The following TMEM50B variants were observed in gnomAD, a reference collection of about 807,000 sequenced individuals.
The protein encoded by TMEM50B is transmembrane protein 50B.
Under a neutral mutation model 23.4 loss-of-function variants are expected in TMEM50B, and 14 were observed. The ratio of observed to expected loss-of-function variants is 0.60; its 90% CI spans 0.39 to 0.93. The LOEUF is 0.93. Ranked by LOEUF, TMEM50B falls within the 40% of genes least tolerant of loss-of-function variation. The pLI is 0.00. For synonymous variants in TMEM50B, 64 were observed against 62.3 expected (o/e 1.03, Z -0.13); for missense variants, 159 against 193.0 (o/e 0.82, Z 1.04).
Position 33,459,455 on chromosome 21 carries a change from C to A in TMEM50B, c.373+958G>T, listed in dbSNP as rs1324876240. 2.0e-5 allele frequency among the ~76,000 whole-genome samples: 3 copies of A among 152,034 alleles called. No homozygotes were observed. The East Asian group carries it at 5.8e-4, about 29-fold the overall frequency. ...CCAAGATGGGTGGATCACTTGAGGT[C>A]AGGAGTTTGAGACCAGCCTGGCCAA... is the stretch of plus-strand genomic sequence containing the variant. On this transcript the variant is annotated intron_variant, in intron 5 of 6. Coordinates refer to ENST00000542230, the MANE Select transcript of TMEM50B (RefSeq NM_006134.7).
intron 6 of TMEM50B, among the ~76,000 whole-genome samples, chr21:33,455,009 C>T (rs924158956): frequency 2.2e-4 from 33 of 151,888 alleles, no homozygotes; most frequent in Admixed American, 2.1e-3. Flanking sequence ...CCCACCTACT[C>T]GGGAGGCTGA....
intron 1 of TMEM50B, among the ~76,000 whole-genome samples, chr21:33,474,694 G>A (rs931476999): frequency 1.6e-5 from 2 of 123,698 alleles, no homozygotes; most frequent in Admixed American, 8.6e-5. Context: ...AGAATCGCTT[G>A]GACCCGGGAG....
intron 5 of TMEM50B, among the ~76,000 whole-genome samples, chr21:33,459,592 T>C (rs1043613427): frequency 1.3e-5 from 2 of 150,192 alleles, no homozygotes; most frequent in Non-Finnish European, 3.0e-5. Flanking sequence ...TACTTGAACC[T>C]GTGAGGCGGA....
chr21:33,458,102 G>A (rs1238041686), intron 5 of TMEM50B, among the ~76,000 whole-genome samples: 1 of 152,108 alleles, frequency 6.6e-6, no homozygotes, highest in Non-Finnish European at 1.5e-5. Context: ...ACCTCTTCTT[G>A]GTTTGCTCAA....
At chr21:33,456,778 G>A (rs1165205030) in intron 5 of TMEM50B, among the ~76,000 whole-genome samples, 1 of 152,178 alleles carries the variant, frequency 6.6e-6, no homozygotes, top group African/African-American at 2.4e-5. Flanking sequence ...CTACTCCAGA[G>A]TGTAAGAATT....
chr21:33,441,056 CCT>C (rs985980939), intron 7 of TMEM50B, among the ~76,000 whole-genome samples: 5 of 151,628 alleles, frequency 3.3e-5, no homozygotes, highest in African/African-American at 1.2e-4. Flanking sequence ...AAGGTGACAC[CCT>C]GTCTCTACTA....
intron 1 of TMEM50B, among the ~76,000 whole-genome samples, chr21:33,475,155 G>C (rs2084356665): frequency 6.6e-6 from 1 of 151,882 alleles, no homozygotes; most frequent in African/African-American, 2.4e-5. Context: ...CCAACGCCCA[G>C]TCTTCAGTGA....
chr21:33,456,569 A>T (rs1481838698), intron 5 of TMEM50B, among the ~76,000 whole-genome samples: 1 of 152,222 alleles, frequency 6.6e-6, no homozygotes, highest in Non-Finnish European at 1.5e-5. Flanking sequence ...ATACTGGAGA[A>T]GATGAAGAAA....
At chr21:33,459,431 C>G (rs1211086755) in intron 5 of TMEM50B, among the ~76,000 whole-genome samples, 2 of 151,984 alleles carry the variant, frequency 1.3e-5, no homozygotes, top group Admixed American at 6.6e-5. Context: ...TTTGGGAGAC[C>G]AAGATGGGTG....
chr21:33,446,228 T>A (rs1428213622), downstream of TMEM50B, among the ~76,000 whole-genome samples: 2 of 134,018 alleles, frequency 1.5e-5, no homozygotes, highest in Non-Finnish European at 1.6e-5. Context: ...TCTTTTATTT[T>A]TTTTATTTTT....
exon 9 of TMEM50B, chr21:33,432,628 C>CT: frequency 6.8e-7 from 1 of 1,465,778 alleles, no homozygotes; most frequent in Non-Finnish European, 9.6e-7. Context: ...CAGGAATGCT[C>CT]TTTAAGCAGC....
chr21:33,465,535 A>G (rs1437103682), intron 3 of TMEM50B, 126 bp from the exon 4 acceptor site: 9 of 680,804 alleles, frequency 1.3e-5, no homozygotes, highest in African/African-American at 3.7e-5. Context: ...ATAATTTAAC[A>G]TATTTTTAAC....
chr21:33,473,666 A>AAAC (rs1306563428), intron 1 of TMEM50B, among the ~76,000 whole-genome samples: 1 of 151,800 alleles, frequency 6.6e-6, no homozygotes, highest in Admixed American at 6.6e-5. Flanking sequence ...AAAAAAAAAA[A>AAAC]AAACAAGAAG....
chr21:33,477,752 AGT>A (rs2084387303), intron 1 of TMEM50B, among the ~76,000 whole-genome samples: 2 of 152,056 alleles, frequency 1.3e-5, no homozygotes, highest in African/African-American at 4.8e-5. Context: ...CGGAGGTTGC[AGT>A]GAGCCACGAT....
intron 6 of TMEM50B, among the ~76,000 whole-genome samples, chr21:33,453,444 G>GA (rs925157489): frequency 2.6e-5 from 4 of 151,048 alleles, no homozygotes; most frequent in African/African-American, 4.9e-5. Flanking sequence ...ACACAAACAG[G>GA]AAAAAAAAAT....
At chr21:33,438,944 G>A (rs530020792) in intron 8 of TMEM50B, among the ~76,000 whole-genome samples, 1 of 151,914 alleles carries the variant, frequency 6.6e-6, no homozygotes, top group African/African-American at 2.4e-5. Context: ...TGGCCAGGCT[G>A]GTCTCGAACT....
chr21:33,445,441 G>A (rs112745717), downstream of TMEM50B, among the ~76,000 whole-genome samples: 3 of 152,368 alleles, frequency 2.0e-5, no homozygotes, highest in African/African-American at 7.2e-5. Context: ...TCTTAGCATG[G>A]CATGCCACCT....
chr21:33,471,226 C>A (rs2084312766), intron 1 of TMEM50B, among the ~76,000 whole-genome samples: 1 of 152,024 alleles, frequency 6.6e-6, no homozygotes, highest in South Asian at 2.1e-4. Flanking sequence ...AATATAAAAC[C>A]AAGTCTCCAC....
intron 6 of TMEM50B, among the ~76,000 whole-genome samples, chr21:33,451,408 G>A (rs2084118377): frequency 6.6e-6 from 1 of 152,130 alleles, no homozygotes; most frequent in Non-Finnish European, 1.5e-5. Flanking sequence ...GTCTAATAAG[G>A]AGACAATCAA....
Sources: allele counts gnomAD v4.1 joint callset (sites outside exome capture counted in the v4.1 genomes callset), GRCh38; gene constraint gnomAD v4.1.1; transcripts MANE v1.5; gene names NCBI Gene and HGNC (gene_info 2026-07-23, HGNC 2026-07-21).